The following PTPRF variants were observed in gnomAD, a reference collection of about 807,000 sequenced individuals.
PTPRF encodes the protein receptor-type tyrosine-protein phosphatase F.
In PTPRF, 59 loss-of-function variants were observed where a neutral mutation model predicts 201.8. The observed-to-expected ratio is 0.29, with a 90% CI of 0.24 to 0.36. The LOEUF is 0.36. PTPRF is among the 10% of genes least tolerant of loss of function. PTPRF has a pLI of 1.00. For synonymous variants in PTPRF, 1,088 were observed against 1,089.7 expected, an observed-to-expected ratio of 1.00 and a Z score of 0.03; for missense variants, 2,132 against 2,690.5, an observed-to-expected ratio of 0.79 and a Z score of 4.59.
At chr1:43,522,201 A>T (rs117960883), upstream of PTPRF, among the ~76,000 whole-genome samples, 747 of 152,318 alleles carry the variant, frequency 4.9e-3, 30 homozygotes, top group East Asian at 0.1. Context: ...TTCTTCTGGG[A>T]AACCTGACCT....
In PTPRF at chr1:43,588,869, C is replaced by T. The variant is rs747883338; in HGVS notation, c.818C>T (p.Thr273Ile). 1.2e-6 allele frequency: 2 copies of T among 1,614,038 alleles called. No homozygotes were observed. Among genetic ancestry groups the T allele is most frequent in the South Asian group, 2.2e-5 (2 of 91,074 alleles). Reference sequence around the variant, plus strand: ...TGGATGATGGGGGCCGAGGAGCTCACCAAGGAGGATGAGATGCCAGTTGGC... The same window carrying T: ...TGGATGATGGGGGCCGAGGAGCTCATCAAGGAGGATGAGATGCCAGTTGGC... Reference protein sequence around the residue: ...VKWMMGAEELTKEDEMPVGRN... With the variant: ...VKWMMGAEELIKEDEMPVGRN... The change falls in exon 8 of 34, where the codon ACC becomes ATC. Residue 273 changes from threonine to isoleucine, a missense_variant. Around this residue, in one of 6 missense-constraint regions of PTPRF, gnomAD observed 297 missense variants for 454.0 expected, o/e 0.65. Transcript: ENST00000359947. This position sits in a 1 kb window ranked among gnomAD's most constrained non-coding sequence, Gnocchi z 5.3.
At chr1:43,578,980 C>T (rs1647126133) in intron 7 of PTPRF, 60 bp downstream of exon 7, 1 of 1,517,186 alleles carries the variant, frequency 6.6e-7, no homozygotes, top group Non-Finnish European at 9.1e-7. Context: ...ACCTGCCGGG[C>T]TCTCTGCCCA....
At position 43,554,011 on chromosome 1, in the gene PTPRF, T is replaced by TGA. The variant is rs555567398; in HGVS notation, c.379+70_379+71insGA. On this transcript the variant is annotated intron_variant, in intron 5 of 33. Transcript: ENST00000359947. This position sits in a 1 kb window ranked among gnomAD's most constrained non-coding sequence, Gnocchi z 4.1. ...CGTGGGAAGAGCCAGCCAGCCCTGA[T>TGA]CCTGTCCTGGGCCCATGTGCATTTG... 3.6e-4 allele frequency: 572 copies of TGA among 1,582,554 alleles called. No homozygotes were observed. Among genetic ancestry groups the TGA allele is most frequent in the Non-Finnish European group, 4.7e-4 (546 of 1,161,212 alleles).
chr1:43,601,669 C>T (rs556347376), intron 13 of PTPRF, among the ~76,000 whole-genome samples: 1 of 152,344 alleles, frequency 6.6e-6, no homozygotes, highest in South Asian at 2.1e-4. Flanking sequence ...ATATGGGCAC[C>T]CCATTCACCC....
chr1:43,566,143 G>A (rs943282974), intron 5 of PTPRF, among the ~76,000 whole-genome samples: 3 of 152,168 alleles, frequency 2.0e-5, no homozygotes, highest in Admixed American at 6.5e-5. Flanking sequence ...GGCGTGGTGT[G>A]GGGGAGGCTG....
chr1:43,572,474 C>T (rs908373940), intron 6 of PTPRF, among the ~76,000 whole-genome samples: 1 of 152,220 alleles, frequency 6.6e-6, no homozygotes, highest in African/African-American at 2.4e-5. Flanking sequence ...TAAGGGGCCT[C>T]AACCATCCCA....
At chr1:43,582,941 G>GGAGTC (rs1303615409) in intron 7 of PTPRF, 4 of 386,638 alleles carry the variant, frequency 1.0e-5, no homozygotes, top group African/African-American at 8.8e-5. Context: ...AGGGGGCACA[G>GGAGTC]GAGTCTCGTC....
upstream of PTPRF, among the ~76,000 whole-genome samples, chr1:43,524,424 C>T (rs1643038733): frequency 6.6e-6 from 1 of 152,078 alleles, no homozygotes; most frequent in Admixed American, 6.6e-5. Context: ...CTTTGGGAGG[C>T]CAAGGTGGAA....
chr1:43,573,039 C>T (rs551350190), intron 6 of PTPRF, among the ~76,000 whole-genome samples: 33 of 152,270 alleles, frequency 2.2e-4, no homozygotes, highest in African/African-American at 7.2e-4. Context: ...GCATGACCCC[C>T]CAAGTAGGAG....
intron 5 of PTPRF, among the ~76,000 whole-genome samples, chr1:43,558,668 C>T (rs1293565125): frequency 2.0e-5 from 3 of 152,190 alleles, no homozygotes; most frequent in East Asian, 1.9e-4. Context: ...ACTCTTGAGG[C>T]GGCGGCTGAA....
Position 43,604,137 on chromosome 1 carries a change from C to T in PTPRF, c.2985C>T (p.Gly995=). Residue 995 remains glycine, a synonymous_variant, in exon 16 of 34, where the codon GGC becomes GGT. Transcript: ENST00000359947. The part of the protein sequence containing the change: ...DIKVRAWTSK[G]SGPLSPSIQS... ...AGGTCCGCGCATGGACCAGCAAAGG[C>T]TCTGGCCCACTCAGCCCCAGCATCC... The T allele has an allele frequency of 2.5e-6, 4 of 1,614,160 alleles. No homozygotes were observed. The highest frequency in any genetic ancestry group is 3.4e-6 in the Non-Finnish European group (4 of 1,180,056).
chr1:43,545,580 G>A (rs145258595), intron 3 of PTPRF, among the ~76,000 whole-genome samples: 141 of 152,236 alleles, frequency 9.3e-4, no homozygotes, highest in Non-Finnish European at 1.5e-3. Flanking sequence ...TGCCCAGGAC[G>A]CGGGTGTGTC....
rs758610792 is a variant in PTPRF, at chr1:43,591,285, G to A, written c.1263G>A (p.Gln421=). ...CCTCCAGCCCACCGCGCCGCGTGCA[G>A]GCACGCATGCTGAGCGCCAGCACCA... ...QAPSSPPRRV[Q]ARMLSASTML... Residue 421 remains glutamine (Q), a synonymous_variant, in exon 9 of 34, where the codon CAG becomes CAA. Coordinates refer to ENST00000359947, the MANE Select transcript of PTPRF (RefSeq NM_002840.5). 5.1e-6 allele frequency: 8 copies of A among 1,555,396 alleles called. No homozygotes were observed. In the Admixed American group the frequency reaches 1.2e-4, roughly 23 times the overall value.
At chr1:43,529,167 C>T (rs879708217), upstream of PTPRF, among the ~76,000 whole-genome samples, 3 of 152,140 alleles carry the variant, frequency 2.0e-5, no homozygotes, top group Non-Finnish European at 2.9e-5. Context: ...ATTTGCAATA[C>T]CTCCCCCGTG....
At chr1:43,591,761 C>T in intron 9 of PTPRF, 51 bp from the exon 10 acceptor site, 3 of 1,605,136 alleles carry the variant, frequency 1.9e-6, no homozygotes, top group Non-Finnish European at 2.6e-6. Context: ...TCCCTGGGCA[C>T]CCCTGACCTC....
chr1:43,591,775 C>G (rs766346312), intron 9 of PTPRF, 37 bp from the exon 10 acceptor site: 2 of 1,609,878 alleles, frequency 1.2e-6, no homozygotes, highest in African/African-American at 2.7e-5. Flanking sequence ...TGACCTCACG[C>G]AGATGAGGCT....
chr1:43,523,070 G>A (rs775836668), upstream of PTPRF, among the ~76,000 whole-genome samples: 2 of 152,194 alleles, frequency 1.3e-5, no homozygotes, highest in Non-Finnish European at 2.9e-5. Flanking sequence ...GAAAGGTACA[G>A]ATTAGAGAGG....
Position 43,597,885 on chromosome 1 carries a change from G to A in PTPRF, c.1951G>A (p.Gly651Ser), listed in dbSNP as rs759809563. The A allele has an allele frequency of 4.4e-6, 7 of 1,607,910 alleles. No individual in the cohort carries two copies. The South Asian group carries it at 5.6e-5, about 13-fold the overall frequency. The part of the protein sequence containing the change: ...QYSVAYEAVD[G>S]EDRGRHVVDG... ...CTCCGTGGCCTACGAGGCGGTGGAC[G>A]GCGAGGACCGCGGGCGGCATGTGGT... Residue 651 changes from glycine to serine, a missense_variant, in exon 12 of 34, where the codon GGC becomes AGC. Physicochemically the swap from Gly to Ser is moderately conservative, Grantham distance 56. Around this residue, in one of 6 missense-constraint regions of PTPRF, gnomAD observed 125 missense variants for 211.9 expected, o/e 0.59. Coordinates refer to ENST00000359947, the MANE Select transcript of PTPRF (RefSeq NM_002840.5).
intron 2 of PTPRF, among the ~76,000 whole-genome samples, chr1:43,538,932 A>G (rs1181263947): frequency 6.6e-6 from 1 of 152,198 alleles, no homozygotes; most frequent in East Asian, 1.9e-4. Context: ...TAAAGACTTT[A>G]GACTTTTTCC....
Sources: allele counts gnomAD v4.1 joint callset (sites outside exome capture counted in the v4.1 genomes callset), GRCh38; gene constraint gnomAD v4.1.1; regional missense constraint gnomAD v4.1.1; non-coding constraint Gnocchi (gnomAD v3.1); transcripts MANE v1.5; gene names NCBI Gene and HGNC (gene_info 2026-07-23, HGNC 2026-07-21).